The following PRKRIP1 variants were observed in gnomAD, a reference collection of about 807,000 sequenced individuals.
PRKRIP1 encodes PRKR interacting protein 1, also known as PRKR-interacting protein 1.
Under a neutral mutation model 29.3 loss-of-function variants are expected in PRKRIP1, and 29 were observed. That is an observed-to-expected ratio of 0.99 (90% CI 0.74 to 1.35). The LOEUF (loss-of-function observed/expected upper bound fraction) is 1.35. Ranked by LOEUF, PRKRIP1 falls within the 40% of genes most tolerant of loss-of-function variation. The pLI is 0.00. For missense variants in PRKRIP1, 247 were observed against 236.8 expected (o/e 1.04, Z -0.28); for synonymous variants, 90 against 85.1 (o/e 1.06, Z -0.32).
intron 2 of PRKRIP1, among the ~76,000 whole-genome samples, chr7:102,398,601 TTAA>T (rs1456470039): frequency 6.6e-6 from 1 of 152,202 alleles, no homozygotes; most frequent in Non-Finnish European, 1.5e-5. Flanking sequence ...TGCATTATTC[TTAA>T]TAACGCATTG....
intron 5 of PRKRIP1, among the ~76,000 whole-genome samples, chr7:102,415,271 C>T (rs1554572955): frequency 6.6e-6 from 1 of 152,202 alleles, no homozygotes; most frequent in Non-Finnish European, 1.5e-5. Flanking sequence ...GAGTCTTGCT[C>T]CATCACTCAT....
intron 5 of PRKRIP1, among the ~76,000 whole-genome samples, chr7:102,407,815 T>G (rs567345786): frequency 2.0e-5 from 3 of 152,262 alleles, no homozygotes; most frequent in Non-Finnish European, 4.4e-5. Context: ...AGGCTCACAC[T>G]CATGGTTTTG....
rs1020836810 is a variant in PRKRIP1, at chr7:102,404,673, C to A, written c.382C>A (p.Arg128=). Residue 128 remains arginine, a synonymous_variant, in exon 4 of 6, where the codon CGG becomes AGG. Coordinates refer to ENST00000397912, the MANE Select transcript of PRKRIP1 (RefSeq NM_024653.4). ...TGCAGAGGAGCAGACCGCAAAGCGC[C>A]GGAAGAAGCGGTAAGCGGCATGGCC... ...IAAEEQTAKR[R]KKRQKLKEKK... 1 of 1,613,292 alleles carries A rather than the reference C, an allele frequency of 6.2e-7. No individual in the cohort carries two copies. Among genetic ancestry groups the A allele is most frequent in the South Asian group, 1.1e-5 (1 of 90,998 alleles).
Position 102,396,395 on chromosome 7 carries a change from G to C in PRKRIP1, c.-17G>C. 1 of 1,536,362 alleles carries C rather than the reference G, an allele frequency of 6.5e-7. No homozygotes were observed. ...CGCGCCGACGCCGCCGCTCGCTTGT[G>C]AAACTGGAAGGCTGCCATGGCTAGC... is the stretch of plus-strand genomic sequence containing the variant. On this transcript the variant is annotated 5_prime_UTR_variant, in exon 1 of 6. Coordinates refer to ENST00000397912, the MANE Select transcript of PRKRIP1 (RefSeq NM_024653.4).
chr7:102,399,994 T>TC (rs1473097157), intron 3 of PRKRIP1, among the ~76,000 whole-genome samples: 1 of 117,632 alleles, frequency 8.5e-6, no homozygotes, highest in Admixed American at 9.3e-5. Context: ...AGAGCGAAAC[T>TC]CCATCTCAAA....
At chr7:102,405,711 G>T in intron 4 of PRKRIP1, 1 of 164,532 alleles carries the variant, frequency 6.1e-6, no homozygotes. Context: ...AGCTGATAAG[G>T]ACGGACTGGC....
intron 5 of PRKRIP1, among the ~76,000 whole-genome samples, chr7:102,415,502 C>T (rs782213088): frequency 2.6e-5 from 4 of 152,250 alleles, no homozygotes; most frequent in Non-Finnish European, 5.9e-5. Context: ...TCCCAAAGCG[C>T]TGGGATTACA....
Position 102,418,045 on chromosome 7 carries a change from TCTTC to T in PRKRIP1, c.458-6968_458-6965del, listed in dbSNP as rs797044264. Among the ~76,000 whole-genome samples the T allele has an allele frequency of 4.8e-3, 355 of 73,682 alleles. 3 individuals are homozygous for T. The highest frequency in any genetic ancestry group is 0.016 in the African/African-American group (338 of 21,716). 48.3% of individuals were successfully genotyped at this position (73,682 alleles called of 152,430 possible). On this transcript the variant is annotated intron_variant, in intron 5 of 5. Transcript: ENST00000397912. ...GCTTTCTTCTTCTTCTTCTTCTTCT[TCTTC>T]TTTTTTTTTTTTTTTAAGATAGAGT...
rs533291455 is a variant in PRKRIP1, at chr7:102,420,739, G to A, written c.458-4275G>A. 8.5e-5 allele frequency among the ~76,000 whole-genome samples: 13 copies of A among 152,248 alleles called. No homozygotes were observed. The South Asian group carries it at 1.0e-3, about 12-fold the overall frequency. Reference sequence around the variant, plus strand: ...ATCCCAAACCCAAAAATCCAAACTCGGAAATGCTGCAAGATTCAGAGCTTT... The same window carrying A: ...ATCCCAAACCCAAAAATCCAAACTCAGAAATGCTGCAAGATTCAGAGCTTT... On this transcript the variant is annotated intron_variant, in intron 5 of 5. Transcript: ENST00000397912.
chr7:102,422,916 GGAAACATCC>G (rs71123043), intron 5 of PRKRIP1: 227,025 of 283,438 alleles, frequency 0.8, 91,384 homozygotes, highest in Middle Eastern at 0.87. Context: ...TCCAAAGTCT[GGAAACATCC>G]GAAACATCCG....
Position 102,407,419 on chromosome 7 carries a change from G to A in PRKRIP1, c.393-15G>A. The A allele has an allele frequency of 6.5e-7, 1 of 1,547,624 alleles. No individual in the cohort carries two copies. Among genetic ancestry groups the A allele is most frequent in the Middle Eastern group, 1.7e-4 (1 of 5,908 alleles). ...TGTAGTTAAGGAATCAATGTATATG[G>A]TTTTACATTTTTAGCCAGAAGTTAA... On this transcript the variant is annotated splice_polypyrimidine_tract_variant and intron_variant, in intron 4 of 5. Coordinates refer to ENST00000397912, the MANE Select transcript of PRKRIP1 (RefSeq NM_024653.4).
chr7:102,406,462 A>G (rs143463558), intron 4 of PRKRIP1, among the ~76,000 whole-genome samples: 1 of 152,166 alleles, frequency 6.6e-6, no homozygotes, highest in East Asian at 1.9e-4. Flanking sequence ...GATTTTTTTG[A>G]TTTTCGCTCA....
intron 5 of PRKRIP1, among the ~76,000 whole-genome samples, chr7:102,415,622 C>T (rs549049312): frequency 2.0e-5 from 3 of 152,244 alleles, no homozygotes; most frequent in Non-Finnish European, 2.9e-5. Flanking sequence ...ATGCTTCTTA[C>T]GTACCCCTAG....
At chr7:102,412,281 A>G (rs1373597431) in intron 5 of PRKRIP1, among the ~76,000 whole-genome samples, 1 of 152,114 alleles carries the variant, frequency 6.6e-6, no homozygotes, top group Non-Finnish European at 1.5e-5. Context: ...TTGGGCTTGG[A>G]CTCTGGCTCA....
chr7:102,409,691 G>T (rs1554572302), intron 5 of PRKRIP1, among the ~76,000 whole-genome samples: 1 of 152,026 alleles, frequency 6.6e-6, no homozygotes, highest in South Asian at 2.1e-4. Flanking sequence ...AGGTGTGGTG[G>T]TGCACGCCTG....
chr7:102,402,728 T>G (rs1796106118), intron 3 of PRKRIP1, among the ~76,000 whole-genome samples: 1 of 152,212 alleles, frequency 6.6e-6, no homozygotes, highest in African/African-American at 2.4e-5. Flanking sequence ...GTCCTCATTT[T>G]TTAGTGACAG....
rs570084412 is a variant in PRKRIP1 at position 102,399,781 on chromosome 7, C to T, written c.306+133C>T. ...ATCCCAGCACTTTGGAAGGCCGAGGCAGGGGATCACCTGAGGTCGGGAGTT... is the reference window on the plus strand; with the variant it reads ...ATCCCAGCACTTTGGAAGGCCGAGGTAGGGGATCACCTGAGGTCGGGAGTT... On this transcript the variant is annotated intron_variant, in intron 3 of 5. Transcript: ENST00000397912. 1.6e-5 allele frequency: 10 copies of T among 638,922 alleles called. No homozygotes were observed. The South Asian group carries it at 1.8e-4, about 11-fold the overall frequency. The allele number at this position is 638,922 out of a possible 1,614,324, so 39.6% of individuals were successfully genotyped here. A position where few individuals can be genotyped will look rare whatever the true frequency, so the allele number is the denominator to read the frequency against.
rs1036703257 is a variant in PRKRIP1, at chr7:102,426,525, A to G, written c.*1414A>G. The G allele has an allele frequency of 6.5e-6, 1 of 152,684 alleles. No homozygotes were observed. Among genetic ancestry groups the G allele is most frequent in the African/African-American group, 2.4e-5 (1 of 41,444 alleles). The allele number at this position is 152,684 out of a possible 1,614,324, so 9.5% of individuals were successfully genotyped here. On this transcript the variant is annotated 3_prime_UTR_variant, in exon 6 of 6. Transcript: ENST00000397912. ...TACGTTGCTTTTACTTCTGTAGTGT[A>G]GATTGCCCCGGCCCCTCTCTGAGCC... is the stretch of plus-strand genomic sequence containing the variant.
At position 102,413,164 on chromosome 7, in the gene PRKRIP1, C is replaced by T. The variant is rs140767941; in HGVS notation, c.457+5666C>T. 1.9e-3 allele frequency among the ~76,000 whole-genome samples: 295 copies of T among 152,278 alleles called. 1 individual carries two copies. The highest frequency in any genetic ancestry group is 6.8e-3 in the Middle Eastern group (2 of 294). ...TCGTGGCATCCTAGTGTCTACCCTC[C>T]CGAGGCCAGGAGCACCCACCTTCCC... On this transcript the variant is annotated intron_variant, in intron 5 of 5. Coordinates refer to ENST00000397912, the MANE Select transcript of PRKRIP1 (RefSeq NM_024653.4).
Sources: gnomAD v4.1 joint callset for allele counts (sites outside exome capture counted in the v4.1 genomes callset) on GRCh38, gnomAD v4.1.1 for gene constraint, MANE v1.5 for transcripts, NCBI Gene and HGNC (gene_info 2026-07-23, HGNC 2026-07-21) for gene names.